RFX7: variants seen among roughly 807,000 people sequenced by gnomAD.
RFX7 encodes regulatory factor X7, also known as DNA-binding protein RFX7.
RFX7 carries 26 observed loss-of-function variants against 111.8 expected under a neutral mutation model. The observed-to-expected ratio is 0.23, with a 90% CI of 0.17 to 0.32. The LOEUF (loss-of-function observed/expected upper bound fraction) is 0.32, where lower values mean the gene tolerates loss of function less well. Among genes scored for constraint, RFX7 ranks in the 10% least tolerant of loss-of-function variants. The probability of loss-of-function intolerance (pLI) is 1.00; values close to 1 mark genes in which losing one functional copy is unlikely to be tolerated. For missense variants in RFX7, 1,573 were observed against 1,772.9 expected, an observed-to-expected ratio of 0.89 and a Z score of 2.02; for synonymous variants, 624 against 624.4, an observed-to-expected ratio of 1.00 and a Z score of 0.01.
chr15:56,113,090 G>A (rs2041961245), intron 5 of RFX7, among the ~76,000 whole-genome samples: 1 of 152,222 alleles, frequency 6.6e-6, no homozygotes, highest in Admixed American at 6.5e-5. Flanking sequence ...GGAAGACAGT[G>A]TGGAGCTTCC....
intron 5 of RFX7, among the ~76,000 whole-genome samples, chr15:56,109,658 C>G (rs1341110715): frequency 2.0e-5 from 3 of 152,128 alleles, no homozygotes; most frequent in Non-Finnish European, 2.9e-5. Context: ...TCTGTCCGGC[C>G]GCCCATCGTC....
At chr15:56,166,224 T>G (rs2042780564) in intron 3 of RFX7, among the ~76,000 whole-genome samples, 1 of 152,224 alleles carries the variant, frequency 6.6e-6, no homozygotes, top group Non-Finnish European at 1.5e-5. Context: ...AAAATCTTAC[T>G]AGGATTGCGT....
chr15:56,216,656 C>A (rs2043365646), intron 2 of RFX7, among the ~76,000 whole-genome samples: 1 of 152,140 alleles, frequency 6.6e-6, no homozygotes, highest in South Asian at 2.1e-4. Context: ...CATTTTTTAT[C>A]TAAAATTCAA....
chr15:56,098,936 T>C (rs1218511687), intron 8 of RFX7, among the ~76,000 whole-genome samples: 1 of 152,182 alleles, frequency 6.6e-6, no homozygotes, highest in Non-Finnish European at 1.5e-5. Context: ...ATTGCTACTA[T>C]ACAATGATTC....
intron 3 of RFX7, among the ~76,000 whole-genome samples, chr15:56,147,998 T>A (rs951993445): frequency 2.0e-5 from 3 of 152,182 alleles, no homozygotes; most frequent in Admixed American, 2.0e-4. Context: ...GTTGAAGAAG[T>A]TCTCAAAGAA....
rs536234703 is a variant in RFX7, at chr15:56,160,040, C to T, written c.196-15557G>A. Among the ~76,000 whole-genome samples, 14 of 152,216 alleles carry T rather than the reference C, an allele frequency of 9.2e-5. No homozygotes were observed. The East Asian group carries it at 2.5e-3, about 27-fold the overall frequency. The stretch of plus-strand genomic sequence containing the variant: ...TTGTTTCCTGTAACGACAATCTTCC[C>T]TCTCATGTTATTCTGTTTGGTTTTG... On this transcript the variant is annotated intron_variant, in intron 3 of 9. Coordinates refer to ENST00000559447, the MANE Select transcript of RFX7 (RefSeq NM_022841.7).
At chr15:56,131,291 T>C (rs1341442514) in intron 5 of RFX7, among the ~76,000 whole-genome samples, 2 of 138,876 alleles carry the variant, frequency 1.4e-5, no homozygotes, top group African/African-American at 5.2e-5. Flanking sequence ...TTTTTTTTTT[T>C]TTTTTGAGAC....
chr15:56,096,133 G>A lies in RFX7; in HGVS notation c.1595C>T (p.Thr532Ile), dbSNP rs765896920. ...PGSRSSSAGG[T>I]SAVEVKVEPE... ...TTCCACTTTGACTTCCACAGCAGATGTTCCCCCCGCACTGCTGCTCCTGGA... is the reference window on the plus strand; with the variant it reads ...TTCCACTTTGACTTCCACAGCAGATATTCCCCCCGCACTGCTGCTCCTGGA... The change falls in exon 10 of 10, where the codon ACA becomes ATA. Residue 532 changes from threonine (T) to isoleucine (I), a missense_variant. Around this residue, in one of 7 missense-constraint regions of RFX7, gnomAD observed 625 missense variants for 632.2 expected, o/e 0.99. Coordinates refer to ENST00000559447, the MANE Select transcript of RFX7 (RefSeq NM_022841.7). 2.5e-6 allele frequency: 4 copies of A among 1,613,846 alleles called. No homozygotes were observed. The highest frequency in any genetic ancestry group is 2.5e-6 in the Non-Finnish European group (3 of 1,179,850).
intron 5 of RFX7, among the ~76,000 whole-genome samples, chr15:56,109,612 C>CCCGG (rs1225851556): frequency 1.3e-5 from 2 of 151,870 alleles, no homozygotes; most frequent in African/African-American, 4.8e-5. Flanking sequence ...AGCGCCTCTT[C>CCCGG]CCTGCCGCCA....
intron 2 of RFX7, among the ~76,000 whole-genome samples, chr15:56,223,646 C>T (rs752945134): frequency 3.0e-4 from 46 of 152,058 alleles, no homozygotes; most frequent in Non-Finnish European, 5.0e-4. Context: ...ATCAAGAAAA[C>T]TGAAAAAATG....
intron 2 of RFX7, among the ~76,000 whole-genome samples, chr15:56,224,583 T>C (rs1226337509): frequency 6.6e-6 from 1 of 152,014 alleles, no homozygotes; most frequent in Non-Finnish European, 1.5e-5. Flanking sequence ...CGTAGTTACA[T>C]GAAGTCGTTA....
At chr15:56,143,322 C>T (rs140153178) in intron 4 of RFX7, among the ~76,000 whole-genome samples, 1 of 147,486 alleles carries the variant, frequency 6.8e-6, no homozygotes, top group Non-Finnish European at 1.5e-5. Flanking sequence ...TATATATATA[C>T]ACATGTATAC....
Position 56,179,316 on chromosome 15 carries a change from G to A in RFX7, c.162-13C>T. On this transcript the variant is annotated splice_polypyrimidine_tract_variant and intron_variant, in intron 2 of 9. Coordinates refer to ENST00000559447, the MANE Select transcript of RFX7 (RefSeq NM_022841.7). ...TTGTACAGTTTTGCTAAAAGAAAGA[G>A]AAAGTTAGGTTAGTAAAATGAAAAG... is the stretch of plus-strand genomic sequence containing the variant. The A allele has an allele frequency of 7.9e-7, 1 of 1,261,252 alleles. No homozygotes were observed. The highest frequency in any genetic ancestry group is 1.0e-6 in the Non-Finnish European group (1 of 952,678). 78.1% of individuals were successfully genotyped at this position (1,261,252 alleles called of 1,614,324 possible).
chr15:56,097,473 C>T (rs1320109888), intron 9 of RFX7, among the ~76,000 whole-genome samples: 1 of 152,030 alleles, frequency 6.6e-6, no homozygotes, highest in Admixed American at 6.6e-5. Context: ...ATTATCTTGG[C>T]TGGGTGGGGT....
chr15:56,094,171 G>C lies in RFX7; in HGVS notation c.3557C>G (p.Ser1186Cys), dbSNP rs2041638193. ...NLSGSTLYPV[S>C]NIPRSNVTPF... Reference sequence around the variant, plus strand: ...GGTCACATTAGATCGTGGGATATTAGATACTGGATAGAGGGTGCTTCCACT... The same window carrying C: ...GGTCACATTAGATCGTGGGATATTACATACTGGATAGAGGGTGCTTCCACT... The change falls in exon 10 of 10, where the codon TCT (serine) becomes TGT (cysteine). Residue 1186 changes from serine (S) to cysteine (C), a missense_variant. Coordinates refer to ENST00000559447, the MANE Select transcript of RFX7 (RefSeq NM_022841.7). 13 of 1,613,852 alleles carry C rather than the reference G, an allele frequency of 8.1e-6. No individual in the cohort carries two copies. The highest frequency in any genetic ancestry group is 1.1e-5 in the Non-Finnish European group (13 of 1,179,884).
At chr15:56,142,057 C>T (rs1482287655) in intron 5 of RFX7, among the ~76,000 whole-genome samples, 1 of 152,068 alleles carries the variant, frequency 6.6e-6, no homozygotes, top group African/African-American at 2.4e-5. Context: ...GTAAGTACAA[C>T]ACATTAATTC....
At chr15:56,164,774 T>G (rs1450050844) in intron 3 of RFX7, among the ~76,000 whole-genome samples, 1 of 152,188 alleles carries the variant, frequency 6.6e-6, no homozygotes, top group Admixed American at 6.5e-5. Context: ...AGAAAGTTGG[T>G]TCTTAAGGTT....
intron 5 of RFX7, among the ~76,000 whole-genome samples, chr15:56,119,562 G>T (rs367945069): frequency 2.6e-5 from 4 of 151,754 alleles, no homozygotes; most frequent in Admixed American, 6.6e-5. Flanking sequence ...GGGTCAAATG[G>T]GGTCAGGAGT....
chr15:56,103,494 G>C, intron 6 of RFX7, 60 bp downstream of exon 6: 1 of 1,055,850 alleles, frequency 9.5e-7, no homozygotes, highest in Non-Finnish European at 1.4e-6. Flanking sequence ...TACAACAATA[G>C]ATGTTCTATA....
Sources: gnomAD v4.1 joint callset for allele counts (sites outside exome capture counted in the v4.1 genomes callset) on GRCh38, gnomAD v4.1.1 for gene constraint, gnomAD v4.1.1 regional missense constraint, MANE v1.5 for transcripts, NCBI Gene and HGNC (gene_info 2026-07-23, HGNC 2026-07-21) for gene names.